Variants in C8orf34 observed in about 807,000 individuals in gnomAD.
C8orf34 encodes chromosome 8 open reading frame 34, also known as uncharacterized protein C8orf34.
A neutral mutation model predicts 68.3 loss-of-function variants in C8orf34; 65 were observed. The observed-to-expected ratio is 0.95, with a 90% confidence interval of 0.78 to 1.17. The LOEUF (loss-of-function observed/expected upper bound fraction) is 1.17. Ranked by LOEUF, C8orf34 falls within the 50% of genes most tolerant of loss-of-function variation. C8orf34 has a pLI of 0.00. For missense variants in C8orf34, 664 were observed against 655.4 expected (o/e 1.01, Z -0.14); for synonymous variants, 244 against 241.2 (o/e 1.01, Z -0.11).
intron 8 of C8orf34, among the ~76,000 whole-genome samples, chr8:68,675,338 G>C (rs1470123734): frequency 6.6e-6 from 1 of 151,934 alleles, no homozygotes; most frequent in Non-Finnish European, 1.5e-5. Flanking sequence ...AAAGTGAACT[G>C]ATCAAAAATA....
intron 7 of C8orf34, among the ~76,000 whole-genome samples, chr8:68,571,767 C>T (rs888245375): frequency 3.3e-4 from 50 of 152,258 alleles, no homozygotes; most frequent in Admixed American, 2.0e-3. Context: ...ACATTGCTTT[C>T]ATTGATTTCA....
At chr8:68,747,623 C>T (rs1822547456) in intron 10 of C8orf34, among the ~76,000 whole-genome samples, 1 of 151,980 alleles carries the variant, frequency 6.6e-6, no homozygotes, top group East Asian at 1.9e-4. Flanking sequence ...TATGAGGGAA[C>T]TCCCATTCAC....
Position 68,589,636 on chromosome 8 carries a change from GAGA to G in C8orf34, c.1106-50733_1106-50731del, listed in dbSNP as rs551381833. Among the ~76,000 whole-genome samples, 657 of 144,880 alleles carry G rather than the reference GAGA, an allele frequency of 4.5e-3. 7 individuals carry two copies. The highest frequency in any genetic ancestry group is 0.016 in the African/African-American group (624 of 38,888). ...AGGAGAGAAGAAGAAAGAAGGAGGA[GAGA>G]AGAAGAGAGGAGGAAGGAAAGGAGG... On this transcript the variant is annotated intron_variant, in intron 7 of 13. Coordinates refer to ENST00000518698, the MANE Select transcript of C8orf34 (RefSeq NM_052958.4).
intron 8 of C8orf34, among the ~76,000 whole-genome samples, chr8:68,645,127 G>A (rs567213469): frequency 1.3e-5 from 2 of 152,196 alleles, no homozygotes; most frequent in Admixed American, 6.5e-5. Flanking sequence ...GATCTGCTTT[G>A]GAGTGTGACA....
At chr8:68,394,509 T>G (rs1003345098) in intron 1 of C8orf34, among the ~76,000 whole-genome samples, 19 of 151,874 alleles carry the variant, frequency 1.3e-4, no homozygotes, top group Admixed American at 1.2e-3. Context: ...TTGGGTTGGT[T>G]CCAAGTCTTT....
chr8:68,754,812 T>C (rs1472573531), intron 10 of C8orf34, among the ~76,000 whole-genome samples: 1 of 152,226 alleles, frequency 6.6e-6, no homozygotes, highest in Non-Finnish European at 1.5e-5. Context: ...TCTACCTGTA[T>C]ATGAAAAGCT....
Position 68,412,162 on chromosome 8 carries a change from T to C in C8orf34, c.328-27337T>C, listed in dbSNP as rs559597513. On this transcript the variant is annotated intron_variant, in intron 1 of 13. Coordinates refer to ENST00000518698, the MANE Select transcript of C8orf34 (RefSeq NM_052958.4). The stretch of plus-strand genomic sequence containing the variant: ...ATAAATTCTGTGTTTATAAATTAGG[T>C]AGTCTGTTATTTTTTATAGTAGCCG... Among the ~76,000 whole-genome samples the C allele has an allele frequency of 2.6e-5, 4 of 152,284 alleles. No homozygotes were observed. In the East Asian group the frequency reaches 7.7e-4, roughly 29 times the overall value.
At chr8:68,505,314 A>G (rs1238068844) in intron 5 of C8orf34, among the ~76,000 whole-genome samples, 2 of 152,186 alleles carry the variant, frequency 1.3e-5, no homozygotes, top group Non-Finnish European at 2.9e-5. Context: ...TGAATATTAG[A>G]TCATTATTAC....
chr8:68,454,010 T>G (rs1303357846), intron 3 of C8orf34, among the ~76,000 whole-genome samples: 1 of 152,012 alleles, frequency 6.6e-6, no homozygotes, highest in Admixed American at 6.6e-5. Context: ...TTTCCAGTGC[T>G]TTTTCTCGAT....
intron 7 of C8orf34, among the ~76,000 whole-genome samples, chr8:68,620,191 G>A (rs937242224): frequency 6.6e-6 from 1 of 152,156 alleles, no homozygotes; most frequent in Non-Finnish European, 1.5e-5. Flanking sequence ...TATGTGACAG[G>A]GAGGAGCCCC....
intron 1 of C8orf34, among the ~76,000 whole-genome samples, chr8:68,349,470 C>T (rs1806418067): frequency 6.6e-6 from 1 of 150,842 alleles, no homozygotes; most frequent in South Asian, 2.1e-4. Context: ...GTTTTAGTAT[C>T]AAGATAATGC....
At chr8:68,417,815 T>C (rs914205736) in intron 1 of C8orf34, among the ~76,000 whole-genome samples, 1 of 152,098 alleles carries the variant, frequency 6.6e-6, no homozygotes, top group African/African-American at 2.4e-5. Context: ...AAGTAGTTTT[T>C]TCCAATTCTG....
intron 12 of C8orf34, among the ~76,000 whole-genome samples, chr8:68,799,095 G>A (rs890580974): frequency 6.6e-6 from 1 of 152,162 alleles, no homozygotes; most frequent in Non-Finnish European, 1.5e-5. Context: ...TATTTGGATT[G>A]GAGCAATGCG....
chr8:68,663,289 T>C (rs1434934), intron 8 of C8orf34, among the ~76,000 whole-genome samples: 101,967 of 152,182 alleles, frequency 0.67, 35,686 homozygotes, highest in African/African-American at 0.87. Context: ...TCAAGTGATT[T>C]GCTCATTTAT....
At chr8:68,763,466 C>G (rs1042922535) in intron 10 of C8orf34, among the ~76,000 whole-genome samples, 1 of 152,008 alleles carries the variant, frequency 6.6e-6, no homozygotes, top group African/African-American at 2.4e-5. Context: ...TCTATTCTAC[C>G]TTCAGTTTAT....
At chr8:68,758,694 C>T (rs896257408) in intron 10 of C8orf34, among the ~76,000 whole-genome samples, 1 of 150,444 alleles carries the variant, frequency 6.6e-6, no homozygotes, top group Non-Finnish European at 1.5e-5. Flanking sequence ...TGCAGAACTG[C>T]ACTTCTTACA....
chr8:68,764,870 T>G (rs1352147222), intron 10 of C8orf34, among the ~76,000 whole-genome samples: 1 of 152,230 alleles, frequency 6.6e-6, no homozygotes, highest in Non-Finnish European at 1.5e-5. Context: ...ATGAATTTAC[T>G]CCTGAAAACT....
intron 10 of C8orf34, among the ~76,000 whole-genome samples, chr8:68,761,254 C>A (rs1309849953): frequency 1.3e-5 from 2 of 152,182 alleles, no homozygotes; most frequent in South Asian, 2.1e-4. Context: ...TAGGAAGAGA[C>A]CACAACAGAA....
intron 1 of C8orf34, among the ~76,000 whole-genome samples, chr8:68,358,819 C>G (rs1212915566): frequency 1.3e-5 from 2 of 151,688 alleles, no homozygotes; most frequent in Admixed American, 6.6e-5. Flanking sequence ...GATTCTTGTG[C>G]CTCAGCCTCC....
Sources: allele counts gnomAD v4.1 joint callset (sites outside exome capture counted in the v4.1 genomes callset), GRCh38; gene constraint gnomAD v4.1.1; transcripts MANE v1.5; gene names NCBI Gene and HGNC (gene_info 2026-07-23, HGNC 2026-07-21).